LAMC1: variants seen among roughly 807,000 people sequenced by gnomAD.
LAMC1 encodes the protein laminin subunit gamma 1.
In LAMC1, 38 loss-of-function variants were observed where a neutral mutation model predicts 173.6. That is an observed-to-expected ratio of 0.22 (90% CI 0.17 to 0.29). LAMC1 has a LOEUF of 0.29. Among genes scored for constraint, LAMC1 ranks in the 10% least tolerant of loss-of-function variants. The pLI, the probability that LAMC1 is intolerant of heterozygous loss-of-function variation, is 1.00. For synonymous variants in LAMC1, 746 were observed against 749.1 expected, an observed-to-expected ratio of 1.00 and a Z score of 0.07; for missense variants, 1,824 against 2,051.8, an observed-to-expected ratio of 0.89 and a Z score of 2.14.
rs552405860 is a variant in LAMC1, at chr1:183,126,140, G to T, written c.2822G>T (p.Gly941Val). The T allele has an allele frequency of 9.9e-6, 16 of 1,614,106 alleles. No homozygotes were observed. Among genetic ancestry groups the T allele is most frequent in the South Asian group, 4.4e-5 (4 of 91,066 alleles). The change falls in exon 16 of 28, where the codon GGC (glycine) becomes GTC (valine). Residue 941 changes from glycine (G) to valine (V), a missense_variant. Transcript: ENST00000258341. ...GCERCDCHAL[G>V]STNGQCDIRT... ...TTCAGGTGTGACTGCCATGCCTTGG[G>T]CTCCACCAATGGGCAGTGTGACATC...
intron 1 of LAMC1, among the ~76,000 whole-genome samples, chr1:183,082,410 T>C (rs952997689): frequency 2.0e-5 from 3 of 152,208 alleles, no homozygotes; most frequent in African/African-American, 7.2e-5. Flanking sequence ...ACTAAAGAGA[T>C]TGCAATGTTA....
At chr1:183,038,894 A>G (rs1654052210) in intron 1 of LAMC1, among the ~76,000 whole-genome samples, 1 of 151,970 alleles carries the variant, frequency 6.6e-6, no homozygotes, top group African/African-American at 2.4e-5. Context: ...CTAGAATAAT[A>G]AAATCATAAA....
Position 183,127,348 on chromosome 1 carries a change from C to T in LAMC1, c.3067C>T (p.Arg1023Trp), listed in dbSNP as rs760408588. The change falls in exon 17 of 28, where the codon CGG (arginine) becomes TGG (tryptophan). Residue 1023 changes from arginine to tryptophan, a missense_variant. Coordinates refer to ENST00000258341, the MANE Select transcript of LAMC1 (RefSeq NM_002293.4). ...GTGTGAAGAAAACTATTTCTACAAT[C>T]GGTCTTGGCCTGGCTGCCAGGAATG... ...DQCEENYFYN[R>W]SWPGCQECPA... is the part of the protein sequence containing the mutation. 13 of 1,613,984 alleles carry T rather than the reference C, an allele frequency of 8.1e-6. No homozygotes were observed. The highest frequency in any genetic ancestry group is 1.1e-5 in the Non-Finnish European group (13 of 1,180,024).
intron 1 of LAMC1, among the ~76,000 whole-genome samples, chr1:183,082,393 T>C (rs1248940066): frequency 6.6e-6 from 1 of 152,228 alleles, no homozygotes; most frequent in African/African-American, 2.4e-5. Context: ...TAGTAATGCT[T>C]TCGAATACTA....
chr1:183,136,675 A>AT (rs1656952602), intron 25 of LAMC1, 90 bp downstream of exon 25: 2 of 1,132,786 alleles, frequency 1.8e-6, no homozygotes, highest in Non-Finnish European at 1.2e-6. Context: ...GCCCTTGCAG[A>AT]TTTTTTTCCT....
intron 1 of LAMC1, among the ~76,000 whole-genome samples, chr1:183,081,506 C>T (rs1354393868): frequency 6.6e-6 from 1 of 151,208 alleles, no homozygotes; most frequent in Non-Finnish European, 1.5e-5. Context: ...TGAGATTGTG[C>T]CACTACACTC....
At chr1:183,027,780 C>A (rs560793696) in intron 1 of LAMC1, among the ~76,000 whole-genome samples, 1 of 152,234 alleles carries the variant, frequency 6.6e-6, no homozygotes, top group East Asian at 1.9e-4. Flanking sequence ...TGGTCCTCTG[C>A]TGAGTGTGTA....
chr1:183,126,063 A>G (rs1157227228), intron 15 of LAMC1, 57 bp from the exon 16 acceptor site: 22 of 1,538,752 alleles, frequency 1.4e-5, no homozygotes, highest in Non-Finnish European at 1.6e-5. Context: ...AAAAAAAAAA[A>G]AGTTGTGCTT....
chr1:183,122,397 C>T (rs190358932), intron 13 of LAMC1, 146 bp downstream of exon 13: 614 of 722,522 alleles, frequency 8.5e-4, no homozygotes, highest in Non-Finnish European at 1.1e-3. Flanking sequence ...GGCTCACTCT[C>T]CTTGTTTCCT....
intron 11 of LAMC1, 96 bp downstream of exon 11, chr1:183,118,242 C>G: frequency 1.4e-6 from 1 of 692,916 alleles, no homozygotes; most frequent in Non-Finnish European, 2.5e-6. Context: ...AATAATATAA[C>G]ACTGAGAAGT....
At chr1:183,134,156 A>AT (rs551075661) in intron 22 of LAMC1, among the ~76,000 whole-genome samples, 4 of 151,834 alleles carry the variant, frequency 2.6e-5, no homozygotes, top group East Asian at 1.9e-4. Context: ...TATAAATGGT[A>AT]TTTTTTTTGC....
chr1:183,120,190 AG>A (rs1553257452), intron 11 of LAMC1, among the ~76,000 whole-genome samples: 1 of 149,112 alleles, frequency 6.7e-6, no homozygotes, highest in East Asian at 2.0e-4. Flanking sequence ...AAAAAAAAAA[AG>A]GTGGCGGGGT....
intron 1 of LAMC1, among the ~76,000 whole-genome samples, chr1:183,072,431 A>G (rs1156582409): frequency 2.0e-5 from 3 of 152,168 alleles, no homozygotes; most frequent in African/African-American, 7.2e-5. Context: ...GATTTTCAAC[A>G]TTGTATTCCG....
At chr1:183,046,615 G>A (rs894756411) in intron 1 of LAMC1, among the ~76,000 whole-genome samples, 3 of 151,550 alleles carry the variant, frequency 2.0e-5, no homozygotes, top group Non-Finnish European at 4.4e-5. Context: ...TAACTCTTTT[G>A]TCACTGGTAT....
rs754210243 is a variant in LAMC1, at chr1:183,114,729, A to G, written c.1210+10A>G. 1.9e-6 allele frequency: 3 copies of G among 1,609,092 alleles called. No homozygotes were observed. The highest frequency in any genetic ancestry group is 2.5e-6 in the Non-Finnish European group (3 of 1,176,604). ...CACTGTAGTCCTGTGGGTAAGTGACAGGAAGATGGATTGAAAGACAAAATG... is the reference window on the plus strand; with the variant it reads ...CACTGTAGTCCTGTGGGTAAGTGACGGGAAGATGGATTGAAAGACAAAATG... On this transcript the variant is annotated intron_variant, in intron 5 of 27. Coordinates refer to ENST00000258341, the MANE Select transcript of LAMC1 (RefSeq NM_002293.4).
At chr1:183,114,813 A>T in intron 5 of LAMC1, 94 bp downstream of exon 5, 3 of 1,160,046 alleles carry the variant, frequency 2.6e-6, no homozygotes, top group Middle Eastern at 2.9e-4. Context: ...GGACAACTAA[A>T]TGTGGAGATG....
intron 22 of LAMC1, 148 bp downstream of exon 22, chr1:183,133,698 G>T: frequency 2.7e-6 from 2 of 749,946 alleles, no homozygotes; most frequent in Non-Finnish European, 3.9e-6. Context: ...AACTTACCAA[G>T]GTAGCCAGAT....
chr1:183,121,375 G>A (rs1033808565), intron 11 of LAMC1, among the ~76,000 whole-genome samples: 1 of 152,092 alleles, frequency 6.6e-6, no homozygotes, highest in African/African-American at 2.4e-5. Flanking sequence ...GCAGTGAGTC[G>A]AGATTGCACC....
chr1:183,070,581 A>C (rs968226345), intron 1 of LAMC1, among the ~76,000 whole-genome samples: 3 of 152,226 alleles, frequency 2.0e-5, no homozygotes, highest in African/African-American at 7.2e-5. Flanking sequence ...AAGAGCTCCT[A>C]TTAGATTTTT....
Sources: allele counts gnomAD v4.1 joint callset (sites outside exome capture counted in the v4.1 genomes callset), GRCh38; gene constraint gnomAD v4.1.1; transcripts MANE v1.5; gene names NCBI Gene and HGNC (gene_info 2026-07-23, HGNC 2026-07-21).